The following ADAMTS6 variants were observed in gnomAD, a reference collection of about 807,000 sequenced individuals.
ADAMTS6 encodes the protein ADAM metallopeptidase with thrombospondin type 1 motif 6.
Under a neutral mutation model 144.3 loss-of-function variants are expected in ADAMTS6, and 23 were observed. The ratio of observed to expected loss-of-function variants is 0.16; its 90% CI spans 0.11 to 0.23. The LOEUF is 0.23. Ranked by LOEUF, ADAMTS6 falls within the 10% of genes least tolerant of loss-of-function variation. The probability of loss-of-function intolerance (pLI) is 1.00; values close to 1 mark genes in which losing one functional copy is unlikely to be tolerated. For missense variants in ADAMTS6, 999 were observed against 1,379.6 expected (o/e 0.72, Z 4.37); for synonymous variants, 444 against 457.5 (o/e 0.97, Z 0.38).
intron 14 of ADAMTS6, among the ~76,000 whole-genome samples, chr5:65,256,922 G>C (rs1265749820): frequency 6.8e-6 from 1 of 146,520 alleles, no homozygotes; most frequent in African/African-American, 2.6e-5. Context: ...TCACTATCTG[G>C]CTTCACCCCT....
intron 7 of ADAMTS6, among the ~76,000 whole-genome samples, chr5:65,362,548 T>C (rs1749926082): frequency 6.6e-6 from 1 of 152,164 alleles, no homozygotes; most frequent in Non-Finnish European, 1.5e-5. Flanking sequence ...AAATTATAAA[T>C]CTAGAAAAGT....
At chr5:65,424,872 A>G (rs1756376504) in intron 7 of ADAMTS6, among the ~76,000 whole-genome samples, 1 of 152,154 alleles carries the variant, frequency 6.6e-6, no homozygotes, top group East Asian at 1.9e-4. Context: ...AATTTTGATT[A>G]TATTTCATTC....
At chr5:65,293,894 A>G (rs12657544) in intron 10 of ADAMTS6, among the ~76,000 whole-genome samples, 30,554 of 152,192 alleles carry the variant, frequency 0.2, 3,099 homozygotes, top group Non-Finnish European at 0.22. Context: ...ACATTTTTAC[A>G]GAAGAATAAA....
chr5:65,354,500 T>G (rs954763821), intron 7 of ADAMTS6, among the ~76,000 whole-genome samples: 1 of 151,862 alleles, frequency 6.6e-6, no homozygotes, highest in Non-Finnish European at 1.5e-5. Flanking sequence ...TTTTGACATT[T>G]TAATTATTGT....
chr5:65,318,074 CAAAAAAA>C (rs78876970), intron 9 of ADAMTS6, among the ~76,000 whole-genome samples: 1 of 63,010 alleles, frequency 1.6e-5, no homozygotes, highest in East Asian at 4.7e-4. Flanking sequence ...GACTCCATCT[CAAAAAAA>C]AAAAAAAAAA....
At chr5:65,374,721 G>A (rs1262020505) in intron 7 of ADAMTS6, among the ~76,000 whole-genome samples, 1 of 152,158 alleles carries the variant, frequency 6.6e-6, no homozygotes, top group Non-Finnish European at 1.5e-5. Flanking sequence ...TCCCCATCAA[G>A]CTACCAATGA....
intron 14 of ADAMTS6, among the ~76,000 whole-genome samples, chr5:65,259,412 A>AC (rs202107058): frequency 6.6e-6 from 1 of 151,082 alleles, no homozygotes. Context: ...AAACAAACAA[A>AC]AAGAGTAGGA....
In ADAMTS6 at chr5:65,463,817, C is replaced by G. The variant is rs1351609629; in HGVS notation, c.463-3479G>C. 3.3e-5 allele frequency among the ~76,000 whole-genome samples: 5 copies of G among 152,194 alleles called. No individual in the cohort carries two copies. The East Asian group carries it at 9.6e-4, about 29-fold the overall frequency. On this transcript the variant is annotated intron_variant, in intron 3 of 24. Coordinates refer to ENST00000381055, the MANE Select transcript of ADAMTS6 (RefSeq NM_197941.4). ...CACTTCATCTTGCTCTAACAAAAAC[C>G]TGAAGCTCCCTAAATGACACTCCTT...
chr5:65,354,117 G>A (rs1431090069), intron 7 of ADAMTS6, among the ~76,000 whole-genome samples: 2 of 151,706 alleles, frequency 1.3e-5, no homozygotes, highest in Non-Finnish European at 3.0e-5. Flanking sequence ...CTCTTCTGTT[G>A]ATCTCTTCCT....
intron 7 of ADAMTS6, among the ~76,000 whole-genome samples, chr5:65,443,790 C>T (rs1482596754): frequency 1.4e-5 from 2 of 147,646 alleles, no homozygotes; most frequent in African/African-American, 5.0e-5. Context: ...AAAAAAAAAA[C>T]TCTCAGCAAA....
At chr5:65,164,224 G>A (rs1290897363) in intron 24 of ADAMTS6, among the ~76,000 whole-genome samples, 10 of 151,926 alleles carry the variant, frequency 6.6e-5, no homozygotes, top group East Asian at 1.9e-4. Flanking sequence ...CCTGGGAAGC[G>A]CAAGGGGTCA....
chr5:65,407,873 C>T (rs1358056996), intron 7 of ADAMTS6, among the ~76,000 whole-genome samples: 1 of 152,076 alleles, frequency 6.6e-6, no homozygotes, highest in African/African-American at 2.4e-5. Context: ...ATTTTCAAAC[C>T]AGAATTTCAT....
chr5:65,374,883 C>T (rs376643337), intron 7 of ADAMTS6, among the ~76,000 whole-genome samples: 1 of 152,240 alleles, frequency 6.6e-6, no homozygotes, highest in Middle Eastern at 3.4e-3. Context: ...CAGTAACCAA[C>T]ACAGCATGGC....
Position 65,232,106 on chromosome 5 carries a change from G to T in ADAMTS6, c.1934-5887C>A, listed in dbSNP as rs137952383. Among the ~76,000 whole-genome samples the T allele has an allele frequency of 1.9e-3, 292 of 152,150 alleles. 2 individuals carry two copies. Among genetic ancestry groups the T allele is most frequent in the African/African-American group, 6.7e-3 (277 of 41,526 alleles). ...AGCCTGGATGACTAAATGAGATTCT[G>T]TCTGAAAAACAAACAAACAAACAAC... On this transcript the variant is annotated intron_variant, in intron 15 of 24. Transcript: ENST00000381055.
At chr5:65,241,729 T>G (rs1268338938) in intron 15 of ADAMTS6, among the ~76,000 whole-genome samples, 1 of 152,184 alleles carries the variant, frequency 6.6e-6, no homozygotes, top group East Asian at 1.9e-4. Context: ...TATAACTTGT[T>G]TTAGGGTGAT....
intron 8 of ADAMTS6, among the ~76,000 whole-genome samples, chr5:65,332,308 TATATAGAGAGAGAG>T (rs1462832035): frequency 5.5e-5 from 6 of 109,412 alleles, no homozygotes; most frequent in Non-Finnish European, 8.4e-5. Context: ...TATATATATA[TATATAGAGAGAGAG>T]AGAGAGAGAG....
chr5:65,199,511 A>G (rs1357981401), intron 20 of ADAMTS6, among the ~76,000 whole-genome samples: 3 of 152,192 alleles, frequency 2.0e-5, no homozygotes, highest in Non-Finnish European at 4.4e-5. Context: ...TCTTGAAAAA[A>G]ATTTGGTACA....
chr5:65,163,420 T>C (rs1024753018), intron 24 of ADAMTS6, among the ~76,000 whole-genome samples: 1 of 152,150 alleles, frequency 6.6e-6, no homozygotes, highest in African/African-American at 2.4e-5. Flanking sequence ...GTTATACATT[T>C]TGAAAGAGTA....
chr5:65,258,561 G>A (rs546604161), intron 14 of ADAMTS6, among the ~76,000 whole-genome samples: 1 of 152,134 alleles, frequency 6.6e-6, no homozygotes, highest in East Asian at 1.9e-4. Context: ...GATAGCAAAG[G>A]GGAATCCTCA....
Sources: gnomAD v4.1 joint callset for allele counts (sites outside exome capture counted in the v4.1 genomes callset) on GRCh38, gnomAD v4.1.1 for gene constraint, MANE v1.5 for transcripts, NCBI Gene and HGNC (gene_info 2026-07-23, HGNC 2026-07-21) for gene names.